Variants in TTC5 observed in about 807,000 individuals in gnomAD.
TTC5 encodes tetratricopeptide repeat protein 5.
Under a neutral mutation model 57.4 loss-of-function variants are expected in TTC5, and 46 were observed. The observed-to-expected ratio is 0.80, with a 90% confidence interval of 0.63 to 1.03. The LOEUF (loss-of-function observed/expected upper bound fraction) is 1.03. Ranked by LOEUF, TTC5 falls within the 50% of genes least tolerant of loss-of-function variation. The probability of loss-of-function intolerance (pLI) is 0.00; values close to 1 mark genes in which losing one functional copy is unlikely to be tolerated. For synonymous variants in TTC5, 190 were observed against 203.5 expected, an observed-to-expected ratio of 0.93 and a Z score of 0.57; for missense variants, 504 against 528.1, an observed-to-expected ratio of 0.95 and a Z score of 0.45.
chr14:20,301,174 C>T lies in TTC5; in HGVS notation c.185-356G>A, dbSNP rs534180653. 2.0e-5 allele frequency among the ~76,000 whole-genome samples: 3 copies of T among 152,226 alleles called. No individual in the cohort carries two copies. In the East Asian group the frequency reaches 5.8e-4, roughly 29 times the overall value. On this transcript the variant is annotated intron_variant, in intron 2 of 9. Transcript: ENST00000258821. ...ATATGGCATTAGCCCAATGAATGGG[C>T]TTTAACAAGTGAAGAGAAGATGAGT... is the stretch of plus-strand genomic sequence containing the variant.
intron 2 of TTC5, among the ~76,000 whole-genome samples, chr14:20,301,473 T>G (rs752514823): frequency 4.0e-5 from 6 of 151,560 alleles, no homozygotes; most frequent in Non-Finnish European, 7.4e-5. Flanking sequence ...TAAAGATACC[T>G]GAGCAAAAAG....
At chr14:20,300,155 ATTTTTT>A (rs765208751) in intron 3 of TTC5, among the ~76,000 whole-genome samples, 1 of 89,350 alleles carries the variant, frequency 1.1e-5, no homozygotes, top group African/African-American at 4.5e-5. Flanking sequence ...ATATATATAT[ATTTTTT>A]TTTTTTTTTT....
At chr14:20,292,921 A>G (rs1182311108) in intron 8 of TTC5, 2 of 152,206 alleles carry the variant, frequency 1.3e-5, no homozygotes. Context: ...GGGGATAGGA[A>G]CAGAGATTTT....
chr14:20,299,024 C>G (rs1035703975), intron 4 of TTC5, 136 bp from the exon 5 acceptor site: 28 of 752,348 alleles, frequency 3.7e-5, no homozygotes, highest in African/African-American at 3.3e-4. Context: ...TTAGTATACC[C>G]AAAACTCCAC....
chr14:20,289,509 GAA>G lies in TTC5; in HGVS notation c.*116_*117del. The G allele has an allele frequency of 7.8e-7, 1 of 1,285,956 alleles. No homozygotes were observed. Among genetic ancestry groups the G allele is most frequent in the Non-Finnish European group, 1.1e-6 (1 of 948,274 alleles). The allele number at this position is 1,285,956 out of a possible 1,614,324, so 79.7% of individuals were successfully genotyped here. ...GAAGTGTAATACAGGCAGGGAAAGA[GAA>G]AGTCTTCATTTAAAACATTCCTCCC... On this transcript the variant is annotated 3_prime_UTR_variant, in exon 10 of 10. Transcript: ENST00000258821.
At chr14:20,296,307 T>G (rs1594264136) in intron 6 of TTC5, 83 bp downstream of exon 6, 1 of 1,128,282 alleles carries the variant, frequency 8.9e-7, no homozygotes, top group East Asian at 2.3e-5. Context: ...CTTGTCCCTA[T>G]GCAAACTCAG....
intron 8 of TTC5, chr14:20,294,805 TTTC>T (rs1214600080): frequency 1.3e-5 from 2 of 153,022 alleles, no homozygotes; most frequent in African/African-American, 2.4e-5. Flanking sequence ...GTCCTTTACA[TTTC>T]TTTTTTCTCA....
chr14:20,300,144 T>C (rs1259221537), intron 3 of TTC5, among the ~76,000 whole-genome samples: 10 of 11,812 alleles, frequency 8.5e-4, no homozygotes, highest in Admixed American at 2.8e-3. Context: ...CTGGTCCATG[T>C]ATATATATAT....
intron 8 of TTC5, chr14:20,294,571 T>C (rs1225145262): frequency 2.6e-5 from 4 of 152,246 alleles, no homozygotes; most frequent in Admixed American, 2.0e-4. Context: ...AACCATGCAA[T>C]AGAAGTTGCT....
At position 20,286,809 on chromosome 14, in the gene TTC5, A is replaced by C. The variant is rs866942593; in HGVS notation, c.*2818T>G. 1 of 152,162 alleles carries C rather than the reference A, an allele frequency of 6.6e-6. No homozygotes were observed. Among genetic ancestry groups the C allele is most frequent in the Non-Finnish European group, 1.5e-5 (1 of 68,030 alleles). 9.4% of individuals were successfully genotyped at this position (152,162 alleles called of 1,614,324 possible). A position where few individuals can be genotyped will look rare whatever the true frequency, so the allele number is the denominator to read the frequency against. Reference sequence around the variant, plus strand: ...GATTAGTACAGGGAATATATAAATCAATTTGACATCCAATACAGCAGTGTG... The same window carrying C: ...GATTAGTACAGGGAATATATAAATCCATTTGACATCCAATACAGCAGTGTG... On this transcript the variant is annotated 3_prime_UTR_variant, in exon 10 of 10. Coordinates refer to ENST00000258821, the MANE Select transcript of TTC5 (RefSeq NM_138376.3).
At position 20,300,508 on chromosome 14, in the gene TTC5, T is replaced by G. The variant is rs1170289264; in HGVS notation, c.396+99A>C. On this transcript the variant is annotated intron_variant, in intron 3 of 9. Coordinates refer to ENST00000258821, the MANE Select transcript of TTC5 (RefSeq NM_138376.3). ...CTCCTGATTCTGTCCTAGTTCAATT[T>G]CAGTTCTACTCTGGTATTCATGTCC... The G allele has an allele frequency of 4.7e-6, 5 of 1,054,054 alleles. No individual in the cohort carries two copies. The Admixed American group carries it at 1.3e-4, about 28-fold the overall frequency. 65.3% of individuals were successfully genotyped at this position (1,054,054 alleles called of 1,614,324 possible).
Position 20,287,706 on chromosome 14 carries a change from G to A in TTC5, c.*1921C>T, listed in dbSNP as rs1264628614. On this transcript the variant is annotated 3_prime_UTR_variant, in exon 10 of 10. Transcript: ENST00000258821. ...TTTTTCTACTCTCTAGCCCTACACA[G>A]AACATGTCAACTCATCTCAGAATTT... 6.6e-6 allele frequency: 1 copy of A among 152,168 alleles called. No individual in the cohort carries two copies. The highest frequency in any genetic ancestry group is 1.5e-5 in the Non-Finnish European group (1 of 68,046). The allele number at this position is 152,168 out of a possible 1,614,324, so 9.4% of individuals were successfully genotyped here.
At chr14:20,300,155 A>ATATATATATATATATATAT (rs1229722471) in intron 3 of TTC5, among the ~76,000 whole-genome samples, 3 of 89,330 alleles carry the variant, frequency 3.4e-5, no homozygotes, top group Non-Finnish European at 4.2e-5. Context: ...ATATATATAT[A>ATATATATATATATATATAT]TTTTTTTTTT....
intron 9 of TTC5, among the ~76,000 whole-genome samples, chr14:20,290,679 A>G (rs188111445): frequency 6.6e-6 from 1 of 152,336 alleles, no homozygotes; most frequent in Admixed American, 6.5e-5. Context: ...TGGACCCAGG[A>G]GTCTACATTA....
intron 1 of TTC5, among the ~76,000 whole-genome samples, chr14:20,302,951 C>T (rs1381067997): frequency 2.0e-5 from 3 of 151,830 alleles, no homozygotes; most frequent in Non-Finnish European, 4.4e-5. Context: ...GTAATCCTAG[C>T]ACTTTGGTAG....
intron 4 of TTC5, among the ~76,000 whole-genome samples, 180 bp from the exon 5 acceptor site, chr14:20,299,068 T>C (rs1882126855): frequency 6.6e-6 from 1 of 152,170 alleles, no homozygotes. Context: ...AAACTGAAGT[T>C]TGAACAGACT....
At position 20,289,761 on chromosome 14, in the gene TTC5, C is replaced by T; in HGVS notation, c.1204-15G>A. 1 of 1,608,010 alleles carries T rather than the reference C, an allele frequency of 6.2e-7. No homozygotes were observed. The highest frequency in any genetic ancestry group is 8.5e-7 in the Non-Finnish European group (1 of 1,177,124). ...AAGGAATAGTCCTAGAAAAGACAGA[C>T]AGACAAAGGTTCACTACAGATTCCA... On this transcript the variant is annotated splice_polypyrimidine_tract_variant and intron_variant, in intron 9 of 9. Coordinates refer to ENST00000258821, the MANE Select transcript of TTC5 (RefSeq NM_138376.3).
rs1306568879 is a variant in TTC5, at chr14:20,287,629, ATACT to A, written c.*1994_*1997del. 3 of 152,142 alleles carry A rather than the reference ATACT, an allele frequency of 2.0e-5. No homozygotes were observed. Among genetic ancestry groups the A allele is most frequent in the African/African-American group, 7.2e-5 (3 of 41,414 alleles). The allele number at this position is 152,142 out of a possible 1,614,324, so 9.4% of individuals were successfully genotyped here. On this transcript the variant is annotated 3_prime_UTR_variant, in exon 10 of 10. Transcript: ENST00000258821. ...CTGAAACCGTATGTACAAATTTTGC[ATACT>A]TACTTGTTTGTACGCACTGCTTCTC...
chr14:20,295,499 T>C lies in TTC5; in HGVS notation c.871A>G (p.Ser291Gly). 1 of 1,612,642 alleles carries C rather than the reference T, an allele frequency of 6.2e-7. No individual in the cohort carries two copies. Among genetic ancestry groups the C allele is most frequent in the Non-Finnish European group, 8.5e-7 (1 of 1,178,906 alleles). Reference protein sequence around the residue: ...KGKVKTKKLQSMLGSLRPAHL... With the variant: ...KGKVKTKKLQGMLGSLRPAHL... ...GCTGGGCGCAAGCTTCCCAGCATGC[T>C]CTGCAGCTTTTTGGTCTTCACCTTT... The change falls in exon 8 of 10, where the codon AGC becomes GGC. Residue 291 changes from serine (S) to glycine (G), a missense_variant. Coordinates refer to ENST00000258821, the MANE Select transcript of TTC5 (RefSeq NM_138376.3).
Sources: allele counts gnomAD v4.1 joint callset (sites outside exome capture counted in the v4.1 genomes callset), GRCh38; gene constraint gnomAD v4.1.1; transcripts MANE v1.5; gene names NCBI Gene and HGNC (gene_info 2026-07-23, HGNC 2026-07-21).